The following AGO2 variants were observed in gnomAD, a reference collection of about 807,000 sequenced individuals.
AGO2 encodes argonaute RISC catalytic component 2.
In AGO2, 5 loss-of-function variants were observed where a neutral mutation model predicts 102.3. That is an observed-to-expected ratio of 0.05 (90% CI 0.03 to 0.10). The LOEUF (loss-of-function observed/expected upper bound fraction) is 0.10, where lower values mean the gene tolerates loss of function less well. Among genes scored for constraint, AGO2 ranks in the 10% least tolerant of loss-of-function variants. AGO2 has a pLI of 1.00. For missense variants in AGO2, 541 were observed against 1,183.7 expected, an observed-to-expected ratio of 0.46 and a Z score of 7.97; for synonymous variants, 449 against 473.1, an observed-to-expected ratio of 0.95 and a Z score of 0.66.
chr8:140,615,108 T>G (rs2074123981), intron 1 of AGO2, among the ~76,000 whole-genome samples: 2 of 152,178 alleles, frequency 1.3e-5, no homozygotes, highest in African/African-American at 4.8e-5. Context: ...AAAAGCAGGC[T>G]GGTGCAGTGA....
intron 1 of AGO2, among the ~76,000 whole-genome samples, chr8:140,586,646 C>T (rs1461853112): frequency 1.3e-5 from 2 of 152,288 alleles, no homozygotes; most frequent in African/African-American, 2.4e-5. Context: ...GGACCCTGAC[C>T]GTGACAGGGA....
chr8:140,572,204 A>G (rs1045771963), intron 3 of AGO2: 5 of 152,244 alleles, frequency 3.3e-5, no homozygotes, highest in African/African-American at 1.2e-4. Flanking sequence ...GTAATAAAAG[A>G]AGGTGACATT....
Position 140,631,324 on chromosome 8 carries a change from C to T in AGO2, c.22+4161G>A, listed in dbSNP as rs1247716269. The stretch of plus-strand genomic sequence containing the variant: ...TGGGAGGCCGAGGCAGGTAGATCAC[C>T]TGAGGTTGGGAGTTTGAGACCAGCT... On this transcript the variant is annotated intron_variant, in intron 1 of 18. Transcript: ENST00000220592. 2.0e-5 allele frequency among the ~76,000 whole-genome samples: 3 copies of T among 152,066 alleles called. No homozygotes were observed. The East Asian group carries it at 5.8e-4, about 29-fold the overall frequency.
chr8:140,537,682 C>T (rs763480906), intron 16 of AGO2, among the ~76,000 whole-genome samples: 48 of 152,046 alleles, frequency 3.2e-4, no homozygotes, highest in Admixed American at 1.0e-3. Context: ...CCTTTGATGG[C>T]GTGTTCATCA....
Position 140,572,825 on chromosome 8 carries a change from A to G in AGO2, c.323T>C (p.Ile108Thr), listed in dbSNP as rs774770407. ...CGGCGAGCTTACCTTGTCCCTCCCAATCGGAAGGGGCATGGCTGTGTATAG... is the reference window on the plus strand; with the variant it reads ...CGGCGAGCTTACCTTGTCCCTCCCAGTCGGAAGGGGCATGGCTGTGTATAG... ...KNLYTAMPLP[I>T]GRDKVELEVT... Residue 108 changes from isoleucine to threonine, a missense_variant, in exon 3 of 19, where the codon ATT becomes ACT. Physicochemically the swap from Ile to Thr is moderately conservative, Grantham distance 89. This residue lies in a region of AGO2 where 147 missense variants were observed against 204.1 expected (regional missense o/e 0.72). Transcript: ENST00000220592. 2 of 1,612,360 alleles carry G rather than the reference A, an allele frequency of 1.2e-6. No individual in the cohort carries two copies. The highest frequency in any genetic ancestry group is 1.1e-5 in the South Asian group (1 of 90,464).
intron 14 of AGO2, among the ~76,000 whole-genome samples, chr8:140,543,176 C>CAA (rs138808574): frequency 6.8e-6 from 1 of 147,292 alleles, no homozygotes; most frequent in East Asian, 2.0e-4. Flanking sequence ...ATAGAAACAA[C>CAA]AAAAAAAAAC....
rs776759585 is a variant in AGO2, at chr8:140,611,474, C to CCCA, written c.22+24008_22+24010dup. 5.9e-5 allele frequency among the ~76,000 whole-genome samples: 9 copies of CCCA among 151,880 alleles called. No homozygotes were observed. The East Asian group carries it at 7.8e-4, about 13-fold the overall frequency. On this transcript the variant is annotated intron_variant, in intron 1 of 18. Transcript: ENST00000220592. The stretch of plus-strand genomic sequence containing the variant: ...TCCCAAGTAGCTGGGATTACAGGCG[C>CCCA]CCACCACCACACCGGGCTAATTTTT...
At chr8:140,608,589 C>T (rs2074035377) in intron 1 of AGO2, among the ~76,000 whole-genome samples, 1 of 152,198 alleles carries the variant, frequency 6.6e-6, no homozygotes, top group African/African-American at 2.4e-5. Context: ...GGAGCAGGTC[C>T]AGGCTGAGGG....
intron 2 of AGO2, among the ~76,000 whole-genome samples, chr8:140,576,851 C>T (rs556394000): frequency 1.3e-5 from 2 of 152,266 alleles, no homozygotes; most frequent in Admixed American, 1.3e-4. Context: ...ACCCATGATG[C>T]CACACCCGCA....
chr8:140,557,005 C>A lies in AGO2; in HGVS notation c.1026+84G>T. The A allele has an allele frequency of 6.6e-7, 1 of 1,515,190 alleles. No individual in the cohort carries two copies. Among genetic ancestry groups the A allele is most frequent in the Non-Finnish European group, 8.9e-7 (1 of 1,122,972 alleles). 93.9% of individuals were successfully genotyped at this position (1,515,190 alleles called of 1,614,324 possible). On this transcript the variant is annotated intron_variant, in intron 8 of 18. Transcript: ENST00000220592. The surrounding 1 kb of genome is among the most constrained non-coding windows in gnomAD (Gnocchi z 5.9). ...TGCCATTTGTATCTGACTGGGGCCTCGGCGGTTTCTCGAAGCTGCATGCCC... is the reference window on the plus strand; with the variant it reads ...TGCCATTTGTATCTGACTGGGGCCTAGGCGGTTTCTCGAAGCTGCATGCCC...
At position 140,573,070 on chromosome 8, in the gene AGO2, C is replaced by T. The variant is rs867570417; in HGVS notation, c.216-138G>A. 113 of 1,032,816 alleles carry T rather than the reference C, an allele frequency of 1.1e-4. 1 individual carries two copies. The Middle Eastern group carries it at 6.1e-3, about 56-fold the overall frequency. The allele number at this position is 1,032,816 out of a possible 1,614,324, so 64.0% of individuals were successfully genotyped here. Reference sequence around the variant, plus strand: ...TGTGGCCCAGGCTGGAGTGCAATGGCGTGATCTCAGCTCACTGCAACCTCT... The same window carrying T: ...TGTGGCCCAGGCTGGAGTGCAATGGTGTGATCTCAGCTCACTGCAACCTCT... On this transcript the variant is annotated intron_variant, in intron 2 of 18. Transcript: ENST00000220592.
chr8:140,613,332 C>A (rs750198863), intron 1 of AGO2, among the ~76,000 whole-genome samples: 6 of 152,210 alleles, frequency 3.9e-5, no homozygotes, highest in Non-Finnish European at 8.8e-5. Flanking sequence ...CGCCACTCTT[C>A]TCATTATATT....
At chr8:140,569,861 G>A (rs1027469583) in intron 3 of AGO2, among the ~76,000 whole-genome samples, 7 of 152,192 alleles carry the variant, frequency 4.6e-5, no homozygotes, top group Non-Finnish European at 7.3e-5. Flanking sequence ...TCGTGTGTAA[G>A]GGCGATGTGA....
intron 8 of AGO2, among the ~76,000 whole-genome samples, chr8:140,556,513 CCCCACGGCCTCTGTGCCCAG>C (rs1054541455): frequency 6.6e-6 from 1 of 152,142 alleles, no homozygotes; most frequent in Non-Finnish European, 1.5e-5. Flanking sequence ...AACACAGAGA[CCCCACGGCCTCTGTGCCCAG>C]CCCACCAGGT....
At chr8:140,608,678 A>G (rs1446950428) in intron 1 of AGO2, among the ~76,000 whole-genome samples, 3 of 152,094 alleles carry the variant, frequency 2.0e-5, no homozygotes, top group Non-Finnish European at 4.4e-5. Flanking sequence ...CCATTCCCCA[A>G]CCTCCACTGC....
At position 140,567,404 on chromosome 8, in the gene AGO2, G is replaced by A. The variant is rs923797153; in HGVS notation, c.337-4770C>T. ...GGTGGTCCACACCCGAGACACTGCCGCCTCTCAACAGCCCAAAGCGCTCGG... is the reference window on the plus strand; with the variant it reads ...GGTGGTCCACACCCGAGACACTGCCACCTCTCAACAGCCCAAAGCGCTCGG... On this transcript the variant is annotated intron_variant, in intron 3 of 18. Transcript: ENST00000220592. This position sits in a 1 kb window ranked among gnomAD's most constrained non-coding sequence, Gnocchi z 5.0. Among the ~76,000 whole-genome samples the A allele has an allele frequency of 3.9e-5, 6 of 152,222 alleles. No homozygotes were observed. The highest frequency in any genetic ancestry group is 2.1e-4 in the South Asian group (1 of 4,832).
rs1313886863 is a variant in AGO2 at position 140,540,120 on chromosome 8, A to C, written c.2035-666T>G. Among the ~76,000 whole-genome samples, 1 of 152,086 alleles carries C rather than the reference A, an allele frequency of 6.6e-6. No homozygotes were observed. Among genetic ancestry groups the C allele is most frequent in the African/African-American group, 2.4e-5 (1 of 41,400 alleles). On this transcript the variant is annotated intron_variant, in intron 15 of 18. Coordinates refer to ENST00000220592, the MANE Select transcript of AGO2 (RefSeq NM_012154.5). This position sits in a 1 kb window ranked among gnomAD's most constrained non-coding sequence, Gnocchi z 5.0. ...CAAACAAAAAAACAAAACAAAAAAC[A>C]CACAAAAAACAAAGCAGCTCAGGCA...
At chr8:140,558,462 G>A (rs372257231) in intron 7 of AGO2, 23 bp downstream of exon 7, 11 of 1,613,772 alleles carry the variant, frequency 6.8e-6, no homozygotes, top group Middle Eastern at 1.6e-4. Context: ...AGCCAAGAGA[G>A]TCTGAAAGGA....
Position 140,571,462 on chromosome 8 carries a change from C to T in AGO2, c.336+1350G>A, listed in dbSNP as rs7016401. Among the ~76,000 whole-genome samples the T allele has an allele frequency of 9.6e-3, 1,469 of 152,338 alleles. 24 individuals are homozygous for T. The highest frequency in any genetic ancestry group is 0.032 in the African/African-American group (1,319 of 41,578). On this transcript the variant is annotated intron_variant, in intron 3 of 18. Coordinates refer to ENST00000220592, the MANE Select transcript of AGO2 (RefSeq NM_012154.5). ...TACAGCAAGCGTGATTGCACCATTG[C>T]TTTCCAGCCTGGGCGACAGAGCCAG...
Sources: gnomAD v4.1 joint callset for allele counts (sites outside exome capture counted in the v4.1 genomes callset) on GRCh38, gnomAD v4.1.1 for gene constraint, gnomAD v4.1.1 regional missense constraint, Gnocchi (gnomAD v3.1) non-coding constraint, MANE v1.5 for transcripts, NCBI Gene and HGNC (gene_info 2026-07-23, HGNC 2026-07-21) for gene names.